Variants in TMEM181 observed in about 807,000 individuals in gnomAD.
The protein encoded by TMEM181 is transmembrane protein 181.
Under a neutral mutation model 71.9 loss-of-function variants are expected in TMEM181, and 39 were observed. The observed-to-expected ratio is 0.54, with a 90% CI of 0.42 to 0.71. The LOEUF (loss-of-function observed/expected upper bound fraction) is 0.71. TMEM181 is among the 30% of genes least tolerant of loss of function. The pLI is 0.00. For synonymous variants in TMEM181, 245 were observed against 228.8 expected, an observed-to-expected ratio of 1.07 and a Z score of -0.64; for missense variants, 595 against 583.0, an observed-to-expected ratio of 1.02 and a Z score of -0.21.
At chr6:158,563,122 T>A (rs1280317034) in intron 1 of TMEM181, among the ~76,000 whole-genome samples, 1 of 152,220 alleles carries the variant, frequency 6.6e-6, no homozygotes, top group Non-Finnish European at 1.5e-5. Flanking sequence ...CCTAGTTTCC[T>A]GAATTTTCAG....
In TMEM181 at chr6:158,628,438, G is replaced by C; in HGVS notation, c.1140G>C (p.Ala380=). The C allele has an allele frequency of 6.2e-7, 1 of 1,614,148 alleles. No homozygotes were observed. Among genetic ancestry groups the C allele is most frequent in the South Asian group, 1.1e-5 (1 of 91,068 alleles). ...SIAILYLRFG[A]QVLQDNFVAE... The stretch of plus-strand genomic sequence containing the variant: ...CCATCCTTTATTTGAGATTTGGGGC[G>C]CAAGTACTACAAGACAATTTTGTAG... The change falls in exon 14 of 17, where the codon GCG becomes GCC. Residue 380 remains alanine (A), a synonymous_variant. Transcript: ENST00000684151.
intron 1 of TMEM181, among the ~76,000 whole-genome samples, chr6:158,541,635 C>T (rs539811757): frequency 9.9e-5 from 15 of 152,168 alleles, no homozygotes; most frequent in Non-Finnish European, 2.1e-4. Flanking sequence ...GCTGGCCAAC[C>T]GTCCTTTCTG....
At chr6:158,574,312 G>A (rs532860715) in intron 2 of TMEM181, among the ~76,000 whole-genome samples, 21 of 152,278 alleles carry the variant, frequency 1.4e-4, no homozygotes, top group Non-Finnish European at 2.2e-4. Context: ...GAGGAAGCTG[G>A]GGGAGAGTGC....
At chr6:158,565,287 C>T (rs1782424033) in intron 1 of TMEM181, among the ~76,000 whole-genome samples, 1 of 152,228 alleles carries the variant, frequency 6.6e-6, no homozygotes, top group Non-Finnish European at 1.5e-5. Context: ...CTGAACCCCT[C>T]GTGAGCCCTA....
intron 1 of TMEM181, among the ~76,000 whole-genome samples, chr6:158,572,854 G>A (rs1782942930): frequency 6.6e-6 from 1 of 151,658 alleles, no homozygotes; most frequent in African/African-American, 2.4e-5. Flanking sequence ...TGGGATGTGG[G>A]CTTGTGGGAA....
intron 1 of TMEM181, chr6:158,536,954 G>C (rs1028968608): frequency 3.8e-6 from 4 of 1,063,906 alleles, no homozygotes; most frequent in Admixed American, 9.5e-5. Flanking sequence ...GCCTTGGCCT[G>C]GTCCCGCCGA....
intron 5 of TMEM181, among the ~76,000 whole-genome samples, chr6:158,586,546 C>T (rs1783782370): frequency 6.6e-6 from 1 of 152,148 alleles, no homozygotes; most frequent in South Asian, 2.1e-4. Context: ...AGTGGAGGGC[C>T]CAGGATTTAA....
intron 2 of TMEM181, among the ~76,000 whole-genome samples, chr6:158,578,248 A>G (rs1562631589): frequency 6.6e-6 from 1 of 152,236 alleles, no homozygotes; most frequent in Non-Finnish European, 1.5e-5. Context: ...TGAGTCCTGC[A>G]GGTTGAAATG....
chr6:158,626,803 A>ACACCTCACTCATGCCTTCACTCT, intron 13 of TMEM181: 1 of 454,442 alleles, frequency 2.2e-6, no homozygotes, highest in Non-Finnish European at 4.4e-6. Flanking sequence ...GCCTTCACTC[A>ACACCTCACTCATGCCTTCACTCT]CAACTGACCC....
In TMEM181 at chr6:158,544,462, C is replaced by T. The variant is rs950668029; in HGVS notation, c.131+7597C>T. Reference sequence around the variant, plus strand: ...GGTTGGAGACTCAAGACAGATGAGCCGTCTGCTGGGGTAGTGTGTGTGTGC... The same window carrying T: ...GGTTGGAGACTCAAGACAGATGAGCTGTCTGCTGGGGTAGTGTGTGTGTGC... On this transcript the variant is annotated intron_variant, in intron 1 of 16. Coordinates refer to the TMEM181 transcript ENST00000367090. 4.0e-5 allele frequency among the ~76,000 whole-genome samples: 6 copies of T among 151,882 alleles called. No homozygotes were observed. In the South Asian group the frequency reaches 8.3e-4, roughly 21 times the overall value.
exon 1 of TMEM181, chr6:158,536,730 G>A (rs767353947): frequency 8.9e-6 from 14 of 1,570,724 alleles, no homozygotes; most frequent in Non-Finnish European, 1.2e-5. Flanking sequence ...GGGAGGCTGC[G>A]CGGCATGGAC....
rs1786334543 is a variant in TMEM181, at chr6:158,626,961, C to T, written c.1109+1207C>T. ...TCACCCTCACCCTCACCCTCACTCA[C>T]ACCCTCTCACACATCATCACTCACA... On this transcript the variant is annotated intron_variant, in intron 13 of 16. Transcript: ENST00000684151. Among the ~76,000 whole-genome samples the T allele has an allele frequency of 5.9e-5, 7 of 119,612 alleles. No homozygotes were observed. The South Asian group carries it at 2.0e-3, about 33-fold the overall frequency. 78.5% of individuals were successfully genotyped at this position (119,612 alleles called of 152,430 possible). A position where few individuals can be genotyped will look rare whatever the true frequency, so the allele number is the denominator to read the frequency against.
intron 1 of TMEM181, among the ~76,000 whole-genome samples, chr6:158,560,492 C>G (rs1429391935): frequency 6.6e-6 from 1 of 152,288 alleles, no homozygotes; most frequent in South Asian, 2.1e-4. Flanking sequence ...GTCGGGGTTC[C>G]GGGACGGGGC....
chr6:158,549,833 G>A (rs1239609295), intron 1 of TMEM181, among the ~76,000 whole-genome samples: 4 of 152,228 alleles, frequency 2.6e-5, no homozygotes, highest in Admixed American at 2.0e-4. Context: ...AGGTGGTGAC[G>A]GCCTTTATGC....
At chr6:158,582,515 A>G (rs1783537247) in intron 3 of TMEM181, among the ~76,000 whole-genome samples, 1 of 152,130 alleles carries the variant, frequency 6.6e-6, no homozygotes, top group Non-Finnish European at 1.5e-5. Context: ...AAATTTAAAA[A>G]TAAGCTGGGT....
intron 6 of TMEM181, among the ~76,000 whole-genome samples, chr6:158,601,707 C>A (rs376008860): frequency 6.7e-6 from 1 of 149,724 alleles, no homozygotes; most frequent in Non-Finnish European, 1.5e-5. Context: ...TGCAGTGAGC[C>A]GAGATCCCGC....
chr6:158,615,698 C>A (rs1251868973), intron 10 of TMEM181, among the ~76,000 whole-genome samples: 2 of 152,234 alleles, frequency 1.3e-5, no homozygotes, highest in African/African-American at 4.8e-5. Flanking sequence ...CAGCTTTCTA[C>A]ATATGGCTAG....
intron 15 of TMEM181, among the ~76,000 whole-genome samples, chr6:158,630,467 C>T (rs564752127): frequency 9.8e-4 from 149 of 152,012 alleles, no homozygotes; most frequent in Non-Finnish European, 1.7e-3. Context: ...ACTCCAACCT[C>T]GGTGACAGAA....
chr6:158,581,239 G>A (rs1783453723), intron 3 of TMEM181, among the ~76,000 whole-genome samples: 1 of 152,214 alleles, frequency 6.6e-6, no homozygotes, highest in African/African-American at 2.4e-5. Context: ...TTAGGGAGCA[G>A]TTGTTCATTT....
Sources: gnomAD v4.1 joint callset for allele counts (sites outside exome capture counted in the v4.1 genomes callset) on GRCh38, gnomAD v4.1.1 for gene constraint, MANE v1.5 for transcripts, NCBI Gene and HGNC (gene_info 2026-07-23, HGNC 2026-07-21) for gene names.